Variants in THSD4 observed in about 807,000 individuals in gnomAD.
THSD4 encodes the protein thrombospondin type 1 domain containing 4, also known as thrombospondin type-1 domain-containing protein 4.
In THSD4, 69 loss-of-function variants were observed where a neutral mutation model predicts 119.0. The ratio of observed to expected loss-of-function variants is 0.58; its 90% confidence interval spans 0.48 to 0.71. The LOEUF (loss-of-function observed/expected upper bound fraction) is 0.71, where lower values mean the gene tolerates loss of function less well. Among genes scored for constraint, THSD4 ranks in the 30% least tolerant of loss-of-function variants. The probability of loss-of-function intolerance (pLI) is 0.00; values close to 1 mark genes in which losing one functional copy is unlikely to be tolerated. For synonymous variants in THSD4, 524 were observed against 540.4 expected (o/e 0.97, Z 0.42); for missense variants, 1,393 against 1,391.1 (o/e 1.00, Z -0.02).
At chr15:71,115,207 G>A (rs1339647057), upstream of THSD4, 1 of 153,212 alleles carries the variant, frequency 6.5e-6, no homozygotes, top group Non-Finnish European at 1.5e-5. This position sits in a 1 kb window ranked among gnomAD's most constrained non-coding sequence, Gnocchi z 4.4. Flanking sequence ...GACGACCCTG[G>A]CCAGCTGGGC....
At chr15:71,350,207 T>G (rs2045726295) in intron 6 of THSD4, among the ~76,000 whole-genome samples, 2 of 151,800 alleles carry the variant, frequency 1.3e-5, no homozygotes, top group South Asian at 4.1e-4. Flanking sequence ...AATGTAAACT[T>G]CATTAAGTTG....
chr15:71,129,386 A>G (rs1422997443), intron 1 of THSD4, among the ~76,000 whole-genome samples: 1 of 152,232 alleles, frequency 6.6e-6, no homozygotes, highest in East Asian at 1.9e-4. Flanking sequence ...GGTTTGAGTC[A>G]TAGGGAGAGC....
intron 6 of THSD4, among the ~76,000 whole-genome samples, chr15:71,313,567 G>A (rs982894557): frequency 2.6e-5 from 4 of 152,164 alleles, no homozygotes; most frequent in African/African-American, 9.7e-5. Context: ...GTTGATAGGT[G>A]CAGCAAACCA....
chr15:71,384,273 G>A (rs968408100), intron 6 of THSD4, among the ~76,000 whole-genome samples: 8 of 152,082 alleles, frequency 5.3e-5, no homozygotes, highest in African/African-American at 1.9e-4. Flanking sequence ...AGCTACTCAG[G>A]AGGCTGAGGC....
intron 7 of THSD4, among the ~76,000 whole-genome samples, chr15:71,453,856 A>T (rs139728264): frequency 2.0e-5 from 3 of 152,352 alleles, no homozygotes; most frequent in Non-Finnish European, 2.9e-5. Context: ...CACTCCAGGC[A>T]TCTCTTCCAG....
intron 3 of THSD4, among the ~76,000 whole-genome samples, chr15:71,181,648 T>G (rs570640275): frequency 6.6e-6 from 1 of 152,366 alleles, no homozygotes; most frequent in Admixed American, 6.5e-5. Context: ...AGTCCCTCTT[T>G]GCCATCCCCA....
chr15:71,392,039 A>G (rs77321446), intron 6 of THSD4, among the ~76,000 whole-genome samples: 239 of 152,300 alleles, frequency 1.6e-3, no homozygotes, highest in Non-Finnish European at 2.6e-3. Flanking sequence ...CCATGTTTCT[A>G]TGATAATTTT....
chr15:71,615,143 G>T (rs944962252), intron 7 of THSD4, among the ~76,000 whole-genome samples: 6 of 152,092 alleles, frequency 3.9e-5, no homozygotes, highest in Middle Eastern at 3.2e-3. Flanking sequence ...AAAACAATTG[G>T]CCAATTTTTT....
chr15:71,669,699 A>G (rs1471858921), intron 8 of THSD4, among the ~76,000 whole-genome samples: 1 of 152,208 alleles, frequency 6.6e-6, no homozygotes, highest in African/African-American at 2.4e-5. Flanking sequence ...AGGTACGTTC[A>G]GTTGCTTTCC....
chr15:71,224,066 G>C (rs974765716), intron 4 of THSD4, among the ~76,000 whole-genome samples: 1 of 152,138 alleles, frequency 6.6e-6, no homozygotes, highest in Non-Finnish European at 1.5e-5. Context: ...AGCCAGGGAA[G>C]GCTTCGGAGG....
At chr15:71,745,328 AT>A in intron 12 of THSD4, 93 bp downstream of exon 12, 1 of 1,476,266 alleles carries the variant, frequency 6.8e-7, no homozygotes, top group Non-Finnish European at 9.1e-7. Context: ...GTCAGTCTAA[AT>A]CTGAGTTAGA....
intron 14 of THSD4, among the ~76,000 whole-genome samples, chr15:71,751,418 A>G (rs527630569): frequency 1.6e-4 from 24 of 152,170 alleles, no homozygotes; most frequent in Non-Finnish European, 2.9e-4. Flanking sequence ...AGATTAAGCT[A>G]TACTTCAAGT....
At chr15:71,749,659 TTTTC>T (rs1309376837) in intron 14 of THSD4, among the ~76,000 whole-genome samples, 4 of 150,816 alleles carry the variant, frequency 2.7e-5, no homozygotes, top group African/African-American at 9.7e-5. Context: ...TCTACATTTA[TTTTC>T]TTTCTTTTTT....
At chr15:71,412,254 A>G (rs1214351354) in intron 7 of THSD4, among the ~76,000 whole-genome samples, 4 of 152,216 alleles carry the variant, frequency 2.6e-5, no homozygotes, top group African/African-American at 9.6e-5. Context: ...GCAGGCTTCC[A>G]AAGGAAAGTT....
At chr15:71,669,858 T>G (rs1030773492) in intron 8 of THSD4, among the ~76,000 whole-genome samples, 10 of 152,204 alleles carry the variant, frequency 6.6e-5, no homozygotes, top group Admixed American at 2.0e-4. Flanking sequence ...TCATCCTCTC[T>G]TAGAGGCATA....
intron 12 of THSD4, among the ~76,000 whole-genome samples, chr15:71,746,530 G>A (rs2053341057): frequency 6.6e-6 from 1 of 152,130 alleles, no homozygotes; most frequent in African/African-American, 2.4e-5. Flanking sequence ...GAGTAGCTGG[G>A]ACTACAGGCA....
At chr15:71,656,008 C>T (rs2051183542) in intron 7 of THSD4, among the ~76,000 whole-genome samples, 1 of 152,172 alleles carries the variant, frequency 6.6e-6, no homozygotes, top group Admixed American at 6.5e-5. Context: ...TGGTTTGCAG[C>T]CCAACATTCT....
At chr15:71,108,810 T>G (rs2040284864) in intron 1 of THSD4, among the ~76,000 whole-genome samples, 1 of 152,098 alleles carries the variant, frequency 6.6e-6, no homozygotes, top group African/African-American at 2.4e-5. Context: ...GCCAGCATGG[T>G]GAAACCCCAT....
intron 6 of THSD4, among the ~76,000 whole-genome samples, chr15:71,265,446 T>G (rs1363639966): frequency 6.6e-6 from 1 of 152,086 alleles, no homozygotes; most frequent in African/African-American, 2.4e-5. Flanking sequence ...TTTGCCGTGG[T>G]CTTTGCAACC....
Sources: allele counts gnomAD v4.1 joint callset (sites outside exome capture counted in the v4.1 genomes callset), GRCh38; gene constraint gnomAD v4.1.1; non-coding constraint Gnocchi (gnomAD v3.1); transcripts MANE v1.5; gene names NCBI Gene and HGNC (gene_info 2026-07-23, HGNC 2026-07-21).